Variants in PDE4D observed in about 807,000 individuals in gnomAD.
PDE4D encodes phosphodiesterase 4D.
A neutral mutation model predicts 87.4 loss-of-function variants in PDE4D; 24 were observed. That is an observed-to-expected ratio of 0.27 (90% CI 0.20 to 0.39). PDE4D has a LOEUF of 0.39. Among genes scored for constraint, PDE4D ranks in the 10% least tolerant of loss-of-function variants. The pLI, the probability that PDE4D is intolerant of heterozygous loss-of-function variation, is 1.00. For synonymous variants in PDE4D, 384 were observed against 383.2 expected (o/e 1.00, Z -0.02); for missense variants, 714 against 1,041.0 (o/e 0.69, Z 4.32).
intron 5 of PDE4D, among the ~76,000 whole-genome samples, chr5:59,121,480 T>C (rs1274472329): frequency 2.6e-5 from 4 of 152,150 alleles, no homozygotes; most frequent in Admixed American, 1.3e-4. Context: ...GAAATGCAAA[T>C]TGATACCACA....
chr5:59,593,173 C>A (rs1413429642), intron 1 of PDE4D, among the ~76,000 whole-genome samples: 1 of 151,762 alleles, frequency 6.6e-6, no homozygotes, highest in African/African-American at 2.4e-5. Context: ...TCATTTATAT[C>A]TTAAGCTTTT....
At chr5:60,504,039 T>C (rs1235997511) in intron 1 of PDE4D, among the ~76,000 whole-genome samples, 1 of 152,088 alleles carries the variant, frequency 6.6e-6, no homozygotes, top group Non-Finnish European at 1.5e-5. Flanking sequence ...GAGTTGATCA[T>C]GTAACTATTT....
intron 5 of PDE4D, among the ~76,000 whole-genome samples, chr5:59,040,675 TGAG>T (rs1393378452): frequency 3.3e-5 from 5 of 152,160 alleles, no homozygotes; most frequent in South Asian, 4.1e-4. Context: ...CCATTCATAG[TGAG>T]GAGAAGTCAA....
intron 5 of PDE4D, among the ~76,000 whole-genome samples, chr5:59,111,343 C>T (rs191460121): frequency 9.9e-5 from 15 of 152,268 alleles, no homozygotes; most frequent in African/African-American, 3.1e-4. Flanking sequence ...ACTATGCAAG[C>T]ATGATCCTGG....
At chr5:60,278,158 T>C (rs1383228611) in intron 1 of PDE4D, among the ~76,000 whole-genome samples, 1 of 152,138 alleles carries the variant, frequency 6.6e-6, no homozygotes, top group Non-Finnish European at 1.5e-5. Context: ...TGATTTCCTC[T>C]TCATTCCTAA....
intron 1 of PDE4D, among the ~76,000 whole-genome samples, chr5:60,251,934 T>C (rs987852733): frequency 2.0e-5 from 3 of 151,898 alleles, no homozygotes; most frequent in African/African-American, 7.2e-5. Context: ...GAGGTCACTT[T>C]TTTTCCTCTT....
chr5:59,392,033 A>G (rs185085316), intron 1 of PDE4D, among the ~76,000 whole-genome samples: 1 of 150,792 alleles, frequency 6.6e-6, no homozygotes, highest in African/African-American at 2.4e-5. Context: ...CAAGGGTAGA[A>G]TTTTTGTCTG....
chr5:59,043,788 G>A (rs962066347), intron 5 of PDE4D, among the ~76,000 whole-genome samples: 1 of 150,020 alleles, frequency 6.7e-6, no homozygotes, highest in African/African-American at 2.5e-5. Flanking sequence ...TCCCACCTAT[G>A]AGTGAGAACA....
Position 59,180,504 on chromosome 5 carries a change from C to T in PDE4D, c.808+91G>A, listed in dbSNP as rs573554685. 6.9e-5 allele frequency: 66 copies of T among 950,352 alleles called. 1 individual carries two copies. In the East Asian group the frequency reaches 1.1e-3, roughly 16 times the overall value. 58.9% of individuals were successfully genotyped at this position (950,352 alleles called of 1,614,324 possible). On this transcript the variant is annotated intron_variant, in intron 5 of 14. Transcript: ENST00000340635. ...GAATTTCTTTAACATTTTCAAATTG[C>T]AGCATGAAATTGGTGTTGGTGTTAT... is the stretch of plus-strand genomic sequence containing the variant.
chr5:60,006,927 G>A (rs867575986), intron 2 of PDE4D, among the ~76,000 whole-genome samples: 1 of 151,910 alleles, frequency 6.6e-6, no homozygotes, highest in Admixed American at 6.6e-5. Flanking sequence ...TTAGCATACA[G>A]CACCTCAGGA....
intron 2 of PDE4D, among the ~76,000 whole-genome samples, chr5:60,034,401 C>T (rs960795537): frequency 6.6e-6 from 1 of 152,202 alleles, no homozygotes; most frequent in African/African-American, 2.4e-5. Flanking sequence ...CTTTCTTCTT[C>T]CAGCTTCTAG....
chr5:60,043,528 G>A (rs2152870377), intron 2 of PDE4D, among the ~76,000 whole-genome samples: 1 of 152,288 alleles, frequency 6.6e-6, no homozygotes, highest in Middle Eastern at 3.4e-3. Flanking sequence ...AGGAAAAAAT[G>A]TTAAGGACAG....
intron 3 of PDE4D, among the ~76,000 whole-genome samples, chr5:59,939,874 C>T (rs1757000126): frequency 6.6e-6 from 1 of 152,146 alleles, no homozygotes; most frequent in African/African-American, 2.4e-5. Context: ...TATCATCACA[C>T]CTTCACTGTG....
chr5:59,742,235 T>C (rs1758957976), intron 1 of PDE4D, among the ~76,000 whole-genome samples: 1 of 152,174 alleles, frequency 6.6e-6, no homozygotes, highest in Non-Finnish European at 1.5e-5. Flanking sequence ...GGTGAATTTT[T>C]ATACTTTTAG....
In PDE4D at chr5:58,969,782, T is replaced by A. The variant is rs547731783; in HGVS notation, c.*4882A>T. 13 of 152,308 alleles carry A rather than the reference T, an allele frequency of 8.5e-5. No homozygotes were observed. The highest frequency in any genetic ancestry group is 2.4e-4 in the African/African-American group (10 of 41,590). The allele number at this position is 152,308 out of a possible 1,614,324, so 9.4% of individuals were successfully genotyped here. A position where few individuals can be genotyped will look rare whatever the true frequency, so the allele number is the denominator to read the frequency against. On this transcript the variant is annotated 3_prime_UTR_variant, in exon 15 of 15. Transcript: ENST00000340635. ...TAACCAAAAATAATTGTCAAGTATC[T>A]GAATAATTTTCAATATCCCAGAATA...
chr5:60,466,027 C>T (rs1364054581), intron 1 of PDE4D, among the ~76,000 whole-genome samples: 1 of 152,234 alleles, frequency 6.6e-6, no homozygotes, highest in East Asian at 1.9e-4. Flanking sequence ...CTAAGTCGAA[C>T]CATCATGAGT....
chr5:60,257,408 G>C (rs902960604), intron 1 of PDE4D, among the ~76,000 whole-genome samples: 1 of 151,876 alleles, frequency 6.6e-6, no homozygotes, highest in Admixed American at 6.6e-5. Flanking sequence ...TTGTGGCAGC[G>C]GCGATATCTG....
intron 1 of PDE4D, among the ~76,000 whole-genome samples, chr5:59,571,942 T>C (rs1821915018): frequency 1.3e-5 from 2 of 152,238 alleles, no homozygotes; most frequent in African/African-American, 4.8e-5. Context: ...CCAGAAGCTT[T>C]GGCATTCGTC....
chr5:60,003,459 C>T (rs1764182354), intron 2 of PDE4D, among the ~76,000 whole-genome samples: 1 of 151,982 alleles, frequency 6.6e-6, no homozygotes, highest in Admixed American at 6.6e-5. Context: ...CGCCTGTAAT[C>T]CCAGCACTTT....
Sources: allele counts gnomAD v4.1 joint callset (sites outside exome capture counted in the v4.1 genomes callset), GRCh38; gene constraint gnomAD v4.1.1; transcripts MANE v1.5; gene names NCBI Gene and HGNC (gene_info 2026-07-23, HGNC 2026-07-21).